Variants in MELK observed in about 807,000 individuals in gnomAD.
The protein encoded by MELK is pEg3 kinase.
Under a neutral mutation model 85.0 loss-of-function variants are expected in MELK, and 81 were observed. The ratio of observed to expected loss-of-function variants is 0.95; its 90% confidence interval spans 0.80 to 1.15. MELK has a LOEUF of 1.15. Among genes scored for constraint, MELK ranks in the 50% most tolerant of loss-of-function variants. The probability of loss-of-function intolerance (pLI) is 0.00; values close to 1 mark genes in which losing one functional copy is unlikely to be tolerated. For synonymous variants in MELK, 252 were observed against 265.0 expected (o/e 0.95, Z 0.48); for missense variants, 754 against 777.5 (o/e 0.97, Z 0.36).
intron 11 of MELK, among the ~76,000 whole-genome samples, chr9:36,649,974 C>T (rs919512686): frequency 1.3e-4 from 20 of 151,622 alleles, no homozygotes; most frequent in African/African-American, 2.7e-4. Flanking sequence ...GACAGAATCT[C>T]GCTCTGTCGC....
chr9:36,611,899 A>G (rs2135951126), intron 8 of MELK, among the ~76,000 whole-genome samples: 1 of 151,830 alleles, frequency 6.6e-6, no homozygotes, highest in South Asian at 2.1e-4. Flanking sequence ...CAGCCTTCCA[A>G]GTAGCTGGGA....
At chr9:36,599,050 C>G (rs1295268096) in intron 6 of MELK, among the ~76,000 whole-genome samples, 1 of 152,146 alleles carries the variant, frequency 6.6e-6, no homozygotes, top group East Asian at 1.9e-4. Flanking sequence ...AATCCCGGCA[C>G]TTTGGGAGGC....
intron 15 of MELK, among the ~76,000 whole-genome samples, 170 bp from the exon 16 acceptor site, chr9:36,670,828 G>C (rs1213663300): frequency 6.6e-6 from 1 of 150,896 alleles, no homozygotes; most frequent in Non-Finnish European, 1.5e-5. Flanking sequence ...GACAGCTCCT[G>C]TCCAGGGGGA....
chr9:36,669,227 A>G, intron 14 of MELK, 83 bp from the exon 15 acceptor site: 1 of 829,938 alleles, frequency 1.2e-6, no homozygotes, highest in Admixed American at 2.7e-5. Context: ...GAATAATGTG[A>G]TACCTGCATT....
At chr9:36,636,903 C>T (rs1445560874) in intron 10 of MELK, among the ~76,000 whole-genome samples, 1 of 151,942 alleles carries the variant, frequency 6.6e-6, no homozygotes, top group Admixed American at 6.6e-5. Context: ...GGCACGATCT[C>T]TGCTCACTGC....
intron 11 of MELK, among the ~76,000 whole-genome samples, chr9:36,648,946 G>A (rs1175964271): frequency 6.6e-6 from 1 of 151,942 alleles, no homozygotes; most frequent in African/African-American, 2.4e-5. Context: ...GGTGGGGAGA[G>A]GAAAGAAGAA....
chr9:36,670,544 A>G (rs1238062005), intron 15 of MELK, among the ~76,000 whole-genome samples: 1 of 151,738 alleles, frequency 6.6e-6, no homozygotes, highest in East Asian at 1.9e-4. Context: ...TTATCTACAT[A>G]CATTAAATTT....
intron 8 of MELK, among the ~76,000 whole-genome samples, chr9:36,627,525 T>TC (rs1554726114): frequency 0.049 from 4,266 of 86,262 alleles, 199 homozygotes; most frequent in African/African-American, 0.23. Context: ...TCTCTCTCTC[T>TC]TTTTTTTTTT....
rs146379072 is a variant in MELK at position 36,597,257 on chromosome 9, G to A, written c.441G>A (p.Lys147=). ...NLLFDEYHKL[K]LIDFGLCAKP... is the part of the protein sequence containing the mutation. The stretch of plus-strand genomic sequence containing the variant: ...TGTTTGATGAATATCATAAATTAAA[G>A]CTGATTGACTTTGGTCTCTGTGCAA... Residue 147 remains lysine, a synonymous_variant, in exon 6 of 18, where the codon AAG becomes AAA. Transcript: ENST00000298048. 6.2e-7 allele frequency: 1 copy of A among 1,613,906 alleles called. No homozygotes were observed. The highest frequency in any genetic ancestry group is 8.5e-7 in the Non-Finnish European group (1 of 1,179,846).
intron 8 of MELK, among the ~76,000 whole-genome samples, chr9:36,622,324 G>A (rs1439529152): frequency 2.0e-5 from 3 of 152,212 alleles, no homozygotes; most frequent in Non-Finnish European, 4.4e-5. Context: ...CTTGCATGCA[G>A]TATGTATCTT....
intron 10 of MELK, among the ~76,000 whole-genome samples, chr9:36,636,728 ATTTCTTTCTTTCTTTCTTTCTTTCTTTC>A (rs74181197): frequency 9.9e-6 from 1 of 100,932 alleles, no homozygotes; most frequent in Non-Finnish European, 2.0e-5. Flanking sequence ...TAGCAACTGG[ATTTCTTTCTTTCTTTCTTTCTTTCTTTC>A]TTTCTTTCTT....
chr9:36,650,321 G>A (rs1002488391), intron 11 of MELK, among the ~76,000 whole-genome samples: 3 of 151,998 alleles, frequency 2.0e-5, no homozygotes, highest in Admixed American at 6.6e-5. Context: ...AAGAATATGA[G>A]TTTTCAAGAA....
At chr9:36,582,368 T>C (rs1223012507) in intron 2 of MELK, among the ~76,000 whole-genome samples, 1 of 152,124 alleles carries the variant, frequency 6.6e-6, no homozygotes, top group East Asian at 1.9e-4. Flanking sequence ...TGTGGCTGCT[T>C]GGTAGATAAA....
chr9:36,671,023 A>G lies in MELK; in HGVS notation c.1531A>G (p.Asn511Asp). The change falls in exon 16 of 18, where the codon AAC becomes GAC. Residue 511 changes from asparagine (N) to aspartate (D), a missense_variant. Asn to Asp is a conservative substitution (Grantham distance 23). Transcript: ENST00000298048. ...GTGCCGCTCAGTGGAATTGGATCTC[A>G]ACCAAGCACATATGGAGGAGACTCC... Reference protein sequence around the residue: ...RRCRSVELDLNQAHMEETPKR... With the variant: ...RRCRSVELDLDQAHMEETPKR... The G allele has an allele frequency of 6.2e-7, 1 of 1,611,460 alleles. No individual in the cohort carries two copies. The highest frequency in any genetic ancestry group is 8.5e-7 in the Non-Finnish European group (1 of 1,179,100).
intron 5 of MELK, among the ~76,000 whole-genome samples, chr9:36,595,230 G>C (rs896697106): frequency 2.0e-5 from 3 of 152,006 alleles, no homozygotes; most frequent in African/African-American, 7.2e-5. Context: ...CCGCCTCCTG[G>C]GTTCACGCCA....
intron 14 of MELK, among the ~76,000 whole-genome samples, chr9:36,669,009 T>A (rs1251852382): frequency 6.6e-6 from 1 of 152,212 alleles, no homozygotes; most frequent in Admixed American, 6.5e-5. Flanking sequence ...ATGAGATTTG[T>A]ATTTATATGA....
At chr9:36,637,679 A>G (rs1283905714) in intron 10 of MELK, among the ~76,000 whole-genome samples, 2 of 152,156 alleles carry the variant, frequency 1.3e-5, no homozygotes, top group Non-Finnish European at 2.9e-5. Flanking sequence ...GCTGTGGGGT[A>G]TTTGCTTTCT....
At position 36,589,412 on chromosome 9, in the gene MELK, T is replaced by G. The variant is rs993194569; in HGVS notation, c.145-124T>G. On this transcript the variant is annotated intron_variant, in intron 3 of 17. Coordinates refer to ENST00000298048, the MANE Select transcript of MELK (RefSeq NM_014791.4). ...ATCCGCCCGCCTCGGCCTCCCAAAG[T>G]GCGGGATTACAGGTGTGAGCCACCG... 8 of 695,588 alleles carry G rather than the reference T, an allele frequency of 1.2e-5. No homozygotes were observed. In the African/African-American group the frequency reaches 1.2e-4, roughly 11 times the overall value. The allele number at this position is 695,588 out of a possible 1,614,324, so 43.1% of individuals were successfully genotyped here. A position where few individuals can be genotyped will look rare whatever the true frequency, so the allele number is the denominator to read the frequency against.
chr9:36,579,008 AATTTATTTATAT>A (rs1209551109), intron 1 of MELK, among the ~76,000 whole-genome samples: 1 of 146,824 alleles, frequency 6.8e-6, no homozygotes, highest in Non-Finnish European at 1.5e-5. Flanking sequence ...AGGCCTGGCT[AATTTATTTATAT>A]ATTTATTTAT....
Sources: gnomAD v4.1 joint callset for allele counts (sites outside exome capture counted in the v4.1 genomes callset) on GRCh38, gnomAD v4.1.1 for gene constraint, MANE v1.5 for transcripts, NCBI Gene and HGNC (gene_info 2026-07-23, HGNC 2026-07-21) for gene names.